The following NPIPB12 variants were observed in gnomAD, a reference collection of about 807,000 sequenced individuals.
The protein encoded by NPIPB12 is nuclear pore complex interacting protein family member B12, also known as nuclear pore complex-interacting protein family member B12.
chr16:29,504,581 A>C (rs1596719189), intron 2 of NPIPB12, among the ~76,000 whole-genome samples: 2 of 146,944 alleles, frequency 1.4e-5, no homozygotes, highest in Admixed American at 6.8e-5. Context: ...TCAAAAATAA[A>C]AGATCATTTT....
intron 2 of NPIPB12, among the ~76,000 whole-genome samples, chr16:29,494,878 ATTGT>A (rs1965118378): frequency 2.5e-5 from 1 of 40,244 alleles, no homozygotes; most frequent in East Asian, 8.0e-4. Context: ...TCTCAGGCCA[ATTGT>A]TTGTTCCTTG....
intron 2 of NPIPB12, among the ~76,000 whole-genome samples, chr16:29,504,514 ATGTGTGTGTGTGTGTG>A (rs375593232): frequency 3.1e-4 from 43 of 137,908 alleles, no homozygotes; most frequent in South Asian, 2.6e-3. Flanking sequence ...CAAAAAATAT[ATGTGTGTGTGTGTGTG>A]TGTGTGTGTG....
chr16:29,498,249 G>C (rs1965161861), intron 1 of NPIPB12, among the ~76,000 whole-genome samples: 3 of 148,854 alleles, frequency 2.0e-5, no homozygotes, highest in African/African-American at 7.3e-5. Context: ...GCGGTGAGCT[G>C]ATATTGCCCC....
At chr16:29,498,031 TGG>T (rs1965155695) in intron 1 of NPIPB12, among the ~76,000 whole-genome samples, 1 of 52,464 alleles carries the variant, frequency 1.9e-5, no homozygotes, top group Admixed American at 2.2e-4. Context: ...CTGGGCACGG[TGG>T]TTCACGCCTG....
intron 2 of NPIPB12, among the ~76,000 whole-genome samples, chr16:29,495,135 C>T (rs1965122041): frequency 7.3e-6 from 1 of 136,980 alleles, no homozygotes; most frequent in African/African-American, 2.5e-5. Flanking sequence ...GGAAGCTTTC[C>T]TTCCACCCAT....
chr16:29,498,338 AAT>A (rs1159351808), intron 1 of NPIPB12, among the ~76,000 whole-genome samples: 7,476 of 142,364 alleles, frequency 0.053, 8 homozygotes, highest in Middle Eastern at 0.12. Flanking sequence ...AAATAAATAA[AAT>A]AATGTAGATC....
At chr16:29,504,514 ATGTGTGTGTGTGTGTGTGTGTGTGTG>A (rs375593232) in intron 2 of NPIPB12, among the ~76,000 whole-genome samples, 4 of 137,818 alleles carry the variant, frequency 2.9e-5, no homozygotes, top group Non-Finnish European at 4.8e-5. Context: ...CAAAAAATAT[ATGTGTGTGTGTGTGTGTGTGTGTGTG>A]TGTGTGTGTG....
chr16:29,490,763 G>C (rs1199999990), intron 4 of NPIPB12, among the ~76,000 whole-genome samples: 246 of 60,312 alleles, frequency 4.1e-3, no homozygotes, highest in Non-Finnish European at 6.5e-3. Flanking sequence ...TTGGTCAAAT[G>C]TGGTGGCACA....
At chr16:29,498,350 C>A (rs1965167052) in intron 1 of NPIPB12, among the ~76,000 whole-genome samples, 1 of 146,680 alleles carries the variant, frequency 6.8e-6, no homozygotes, top group Non-Finnish European at 1.5e-5. Flanking sequence ...TAATGTAGAT[C>A]TTGAAAGGGG....
At chr16:29,501,964 A>C (rs1261267653), upstream of NPIPB12, among the ~76,000 whole-genome samples, 424 of 16,462 alleles carry the variant, frequency 0.026, no homozygotes, top group East Asian at 0.075. Flanking sequence ...GCAAAAGTGA[A>C]TGGCAGAGAG....
intron 1 of NPIPB12, among the ~76,000 whole-genome samples, chr16:29,498,190 C>T (rs1318521803): frequency 5.6e-5 from 8 of 143,202 alleles, no homozygotes; most frequent in Non-Finnish European, 1.2e-4. Flanking sequence ...ATCCCAGCCA[C>T]TCGGGAGGCT....
At chr16:29,504,512 ATATGTGTGTGTGTGTGTG>A (rs1965212919) in intron 2 of NPIPB12, among the ~76,000 whole-genome samples, 2 of 92,004 alleles carry the variant, frequency 2.2e-5, no homozygotes, top group African/African-American at 8.6e-5. Flanking sequence ...CTCAAAAAAT[ATATGTGTGTGTGTGTGTG>A]TGTGTGTGTG....
Position 29,504,517 on chromosome 16 carries a change from TG to T in NPIPB12, c.120+955del, listed in dbSNP as rs1168393169. ...GAAACTCTGTCTCAAAAAATATATG[TG>T]TGTGTGTGTGTGTGTGTGTGTGTGT... On this transcript the variant is annotated intron_variant, in intron 2 of 7. Coordinates refer to the NPIPB12 transcript ENST00000550665. 3.2e-4 allele frequency among the ~76,000 whole-genome samples: 6 copies of T among 18,640 alleles called. No homozygotes were observed. In the East Asian group the frequency reaches 7.1e-3, roughly 22 times the overall value. The allele number at this position is 18,640 out of a possible 152,430, so 12.2% of individuals were successfully genotyped here.
intron 4 of NPIPB12, among the ~76,000 whole-genome samples, chr16:29,490,904 T>TAAAAAA: frequency 1.8e-5 from 1 of 56,694 alleles, no homozygotes; most frequent in Non-Finnish European, 3.2e-5. Flanking sequence ...ATCTCAAAAT[T>TAAAAAA]AAAAAAAAAA....
chr16:29,504,558 A>ATC (rs1965216411), intron 2 of NPIPB12, among the ~76,000 whole-genome samples: 3 of 147,078 alleles, frequency 2.0e-5, no homozygotes, highest in Non-Finnish European at 1.5e-5. Context: ...GTGTGTGTGT[A>ATC]TCTATATAAA....
At chr16:29,501,266 T>C (rs1434682964), upstream of NPIPB12, among the ~76,000 whole-genome samples, 1 of 54,830 alleles carries the variant, frequency 1.8e-5, no homozygotes, top group Non-Finnish European at 3.0e-5. Flanking sequence ...GATCACAAGG[T>C]CAGGAGTTCC....
At chr16:29,504,540 G>T (rs1965215312) in intron 2 of NPIPB12, among the ~76,000 whole-genome samples, 1 of 145,462 alleles carries the variant, frequency 6.9e-6, no homozygotes. Context: ...GTGTGTGTGT[G>T]TGTGTGTGTG....
At chr16:29,490,904 TAAAAAAAAAAAAAAAA>T (rs1156982100) in intron 4 of NPIPB12, among the ~76,000 whole-genome samples, 1 of 56,696 alleles carries the variant, frequency 1.8e-5, no homozygotes, top group African/African-American at 8.7e-5. Flanking sequence ...ATCTCAAAAT[TAAAAAAAAAAAAAAAA>T]AAAAAAAAGG....
chr16:29,490,661 T>C (rs1431970083), intron 4 of NPIPB12, among the ~76,000 whole-genome samples: 4 of 55,004 alleles, frequency 7.3e-5, no homozygotes, highest in Admixed American at 2.1e-4. Context: ...ACCTGGGAGG[T>C]GGAGGTTGCA....
Sources: allele counts gnomAD v4.1 joint callset (sites outside exome capture counted in the v4.1 genomes callset), GRCh38; gene constraint gnomAD v4.1.1; transcripts MANE v1.5; gene names NCBI Gene and HGNC (gene_info 2026-07-23, HGNC 2026-07-21).